The following DIP2C variants were observed in gnomAD, a reference collection of about 807,000 sequenced individuals.
The protein encoded by DIP2C is DIP2 acetate--CoA ligase C (putative).
Under a neutral mutation model 192.4 loss-of-function variants are expected in DIP2C, and 33 were observed. That is an observed-to-expected ratio of 0.17 (90% CI 0.13 to 0.23). The LOEUF (loss-of-function observed/expected upper bound fraction) is 0.23. Ranked by LOEUF, DIP2C falls within the 10% of genes least tolerant of loss-of-function variation. The probability of loss-of-function intolerance (pLI) is 1.00; values close to 1 mark genes in which losing one functional copy is unlikely to be tolerated. For missense variants in DIP2C, 1,537 were observed against 2,110.1 expected (o/e 0.73, Z 5.32); for synonymous variants, 979 against 864.1 (o/e 1.13, Z -2.33).
chr10:309,430 G>T (rs1263581242), intron 32 of DIP2C, among the ~76,000 whole-genome samples: 1 of 152,088 alleles, frequency 6.6e-6, no homozygotes. Context: ...TTCTACGACG[G>T]GGGCAAAATG....
At chr10:286,206 G>T in intron 34 of DIP2C, 67 bp downstream of exon 34, 2 of 1,468,126 alleles carry the variant, frequency 1.4e-6, no homozygotes, top group Non-Finnish European at 9.5e-7. Context: ...CAGTTCTGAT[G>T]GTGTCAAGGC....
chr10:428,109 G>A (rs182132131), intron 4 of DIP2C, among the ~76,000 whole-genome samples: 1 of 152,246 alleles, frequency 6.6e-6, no homozygotes, highest in Admixed American at 6.5e-5. Context: ...GTACAGCACG[G>A]ACTTCAAAAC....
Position 366,301 on chromosome 10 carries a change from A to G in DIP2C, c.2242T>C (p.Ser748Pro). ...VATGTSYYGL[S>P]GMTKNTFEVF... ...TCAAAGGTGTTCTTGGTCATGCCAG[A>G]GAGGCCATAGTAGGACGTGCCCGTC... is the stretch of plus-strand genomic sequence containing the variant. The change falls in exon 19 of 37, where the codon TCT (serine) becomes CCT (proline). Residue 748 changes from serine (S) to proline (P), a missense_variant. Around this residue, in one of 4 missense-constraint regions of DIP2C, gnomAD observed 677 missense variants for 989.9 expected, o/e 0.68. Coordinates refer to ENST00000280886, the MANE Select transcript of DIP2C (RefSeq NM_014974.3). 2.5e-6 allele frequency: 4 copies of G among 1,613,882 alleles called. No homozygotes were observed. The highest frequency in any genetic ancestry group is 3.3e-4 in the Middle Eastern group (2 of 6,062).
chr10:597,341 C>T (rs181770396), intron 1 of DIP2C, among the ~76,000 whole-genome samples: 229 of 152,240 alleles, frequency 1.5e-3, no homozygotes, highest in African/African-American at 5.3e-3. Context: ...AGCAAGCCTC[C>T]CCCTGGACAC....
chr10:594,032 C>T (rs762044677), intron 1 of DIP2C, among the ~76,000 whole-genome samples: 5 of 152,182 alleles, frequency 3.3e-5, no homozygotes, highest in Admixed American at 6.5e-5. Flanking sequence ...GTGTGTTCAC[C>T]GTTTCTCAGT....
At chr10:441,402 A>G (rs1376978592) in intron 3 of DIP2C, among the ~76,000 whole-genome samples, 1 of 152,292 alleles carries the variant, frequency 6.6e-6, no homozygotes, top group Middle Eastern at 3.4e-3. Flanking sequence ...GCTGAGCACC[A>G]GCCACAGGCC....
At chr10:591,787 C>CTCCT in intron 1 of DIP2C, among the ~76,000 whole-genome samples, 1 of 152,114 alleles carries the variant, frequency 6.6e-6, no homozygotes, top group East Asian at 1.9e-4. Flanking sequence ...ACCCCACACC[C>CTCCT]TCCTCTCCTT....
intron 4 of DIP2C, among the ~76,000 whole-genome samples, chr10:429,676 G>C (rs1400705927): frequency 6.6e-6 from 1 of 151,518 alleles, no homozygotes; most frequent in Non-Finnish European, 1.5e-5. Context: ...AGTGAAAGAA[G>C]TCAATTTAAG....
At chr10:590,207 C>T (rs538769442) in intron 1 of DIP2C, among the ~76,000 whole-genome samples, 4 of 152,290 alleles carry the variant, frequency 2.6e-5, no homozygotes, top group South Asian at 2.1e-4. Context: ...CGACGAGGCT[C>T]GAATGTCAGG....
intron 1 of DIP2C, among the ~76,000 whole-genome samples, chr10:528,592 T>C (rs560897606): frequency 1.6e-4 from 24 of 152,344 alleles, no homozygotes; most frequent in African/African-American, 5.3e-4. Context: ...CAGGAGGCGC[T>C]GTGCAGATGG....
At chr10:548,515 G>C (rs1302084707) in intron 1 of DIP2C, among the ~76,000 whole-genome samples, 1 of 150,638 alleles carries the variant, frequency 6.6e-6, no homozygotes, top group African/African-American at 2.5e-5. Flanking sequence ...AGGAGGGAGG[G>C]AGGGAGGCAG....
At chr10:457,883 C>CT (rs1396395938) in intron 3 of DIP2C, among the ~76,000 whole-genome samples, 4 of 152,196 alleles carry the variant, frequency 2.6e-5, no homozygotes, top group Admixed American at 2.6e-4. Context: ...TGTGGGACAT[C>CT]TTTATGCTGC....
Position 347,502 on chromosome 10 carries a change from C to T in DIP2C, c.3231+1139G>A, listed in dbSNP as rs1156283604. Among the ~76,000 whole-genome samples the T allele has an allele frequency of 7.7e-5, 8 of 104,212 alleles. 1 individual carries two copies. Among genetic ancestry groups the T allele is most frequent in the Non-Finnish European group, 1.5e-4 (8 of 52,490 alleles). 68.4% of individuals were successfully genotyped at this position (104,212 alleles called of 152,430 possible). On this transcript the variant is annotated intron_variant, in intron 26 of 36. Coordinates refer to ENST00000280886, the MANE Select transcript of DIP2C (RefSeq NM_014974.3). ...CCCACACTCACCCGGACACATTGCG[C>T]ATAGTTCTCCCGGAAACCCCACACG...
At chr10:599,030 C>T (rs985070201) in intron 1 of DIP2C, among the ~76,000 whole-genome samples, 2 of 152,206 alleles carry the variant, frequency 1.3e-5, no homozygotes, top group African/African-American at 4.8e-5. Flanking sequence ...CATAAAGCGG[C>T]GAAGACCGTG....
intron 32 of DIP2C, among the ~76,000 whole-genome samples, chr10:290,943 A>G (rs1433936691): frequency 6.6e-6 from 1 of 152,252 alleles, no homozygotes; most frequent in African/African-American, 2.4e-5. Flanking sequence ...GACTTCAGAC[A>G]GGGTAAGGGG....
At position 387,864 on chromosome 10, in the gene DIP2C, C is replaced by T. The variant is rs1338711523; in HGVS notation, c.1598-55G>A. 12 of 1,554,102 alleles carry T rather than the reference C, an allele frequency of 7.7e-6. No homozygotes were observed. The East Asian group carries it at 2.7e-4, about 35-fold the overall frequency. On this transcript the variant is annotated intron_variant, in intron 13 of 36. Transcript: ENST00000280886. ...TACTTAGGACAGGGCGGCAACAGAT[C>T]AAAATGCAAACAAAATCCAATATTG... is the stretch of plus-strand genomic sequence containing the variant.
In DIP2C at chr10:440,962, G is replaced by C; in HGVS notation, c.303C>G (p.Ala101=). ...VHTEAVQAAL[A]KHKERKMAVP... is the part of the protein sequence containing the mutation. ...CTGCCATCTTCCGCTCTTTGTGTTT[G>C]GCCAGAGCCGCCTGGACAGCTTCCG... is the stretch of plus-strand genomic sequence containing the variant. The change falls in exon 4 of 37, where the codon GCC becomes GCG. Residue 101 remains alanine (A), a synonymous_variant. Coordinates refer to ENST00000280886, the MANE Select transcript of DIP2C (RefSeq NM_014974.3). 2 of 1,613,682 alleles carry C rather than the reference G, an allele frequency of 1.2e-6. No homozygotes were observed. Among genetic ancestry groups the C allele is most frequent in the Non-Finnish European group, 1.7e-6 (2 of 1,180,016 alleles).
At position 458,389 on chromosome 10, in the gene DIP2C, G is replaced by A. The variant is rs1002121846; in HGVS notation, c.268+14050C>T. ...TTCTCAGTCTAGAAAATTAAACTTC[G>A]GCATAGAGGAGGAACTTATACGGTG... On this transcript the variant is annotated intron_variant, in intron 3 of 36. Coordinates refer to ENST00000280886, the MANE Select transcript of DIP2C (RefSeq NM_014974.3). 3.3e-5 allele frequency among the ~76,000 whole-genome samples: 5 copies of A among 152,326 alleles called. No individual in the cohort carries two copies. In the South Asian group the frequency reaches 6.2e-4, roughly 19 times the overall value.
At chr10:368,500 G>C (rs1275435956) in intron 18 of DIP2C, among the ~76,000 whole-genome samples, 1 of 152,220 alleles carries the variant, frequency 6.6e-6, no homozygotes, top group African/African-American at 2.4e-5. Context: ...CGTCCGCAGG[G>C]AATCAGGGAG....
Sources: allele counts gnomAD v4.1 joint callset (sites outside exome capture counted in the v4.1 genomes callset), GRCh38; gene constraint gnomAD v4.1.1; regional missense constraint gnomAD v4.1.1; transcripts MANE v1.5; gene names NCBI Gene and HGNC (gene_info 2026-07-23, HGNC 2026-07-21).